The following RNGTT variants were observed in gnomAD, a reference collection of about 807,000 sequenced individuals.
RNGTT encodes RNA guanylyltransferase and 5'-phosphatase.
In RNGTT, 33 loss-of-function variants were observed where a neutral mutation model predicts 79.3. The ratio of observed to expected loss-of-function variants is 0.42; its 90% CI spans 0.32 to 0.56. RNGTT has a LOEUF of 0.56. RNGTT is among the 20% of genes least tolerant of loss of function. The pLI, the probability that RNGTT is intolerant of heterozygous loss-of-function variation, is 0.17. For missense variants in RNGTT, 497 were observed against 739.1 expected (o/e 0.67, Z 3.80); for synonymous variants, 222 against 235.9 (o/e 0.94, Z 0.54).
chr6:88,884,951 G>C (rs1782808686), intron 8 of RNGTT, among the ~76,000 whole-genome samples: 1 of 152,006 alleles, frequency 6.6e-6, no homozygotes, highest in Admixed American at 6.6e-5. Context: ...CCCTATCAGA[G>C]AGAGGAGTTA....
chr6:88,792,532 T>C (rs1454289838), intron 12 of RNGTT, among the ~76,000 whole-genome samples: 1 of 152,266 alleles, frequency 6.6e-6, no homozygotes, highest in Admixed American at 6.5e-5. Context: ...TCTTAAACTC[T>C]GCTTTCTTTA....
At chr6:88,671,697 G>A (rs1774645544) in intron 14 of RNGTT, among the ~76,000 whole-genome samples, 1 of 152,092 alleles carries the variant, frequency 6.6e-6, no homozygotes, top group African/African-American at 2.4e-5. Context: ...TTACCCAACG[G>A]CAAACTATAC....
chr6:88,810,872 C>T (rs1780115965), intron 11 of RNGTT, among the ~76,000 whole-genome samples: 1 of 152,130 alleles, frequency 6.6e-6, no homozygotes, highest in Non-Finnish European at 1.5e-5. Flanking sequence ...TTCCTGACTG[C>T]CTTCCAATGC....
intron 4 of RNGTT, among the ~76,000 whole-genome samples, chr6:88,908,820 C>G (rs1171143154): frequency 6.6e-6 from 1 of 152,194 alleles, no homozygotes; most frequent in Admixed American, 6.5e-5. Flanking sequence ...GATCCACATG[C>G]CCCTTTGCCT....
intron 11 of RNGTT, among the ~76,000 whole-genome samples, chr6:88,831,620 A>G (rs547001008): frequency 1.3e-5 from 2 of 152,344 alleles, no homozygotes; most frequent in South Asian, 2.1e-4. Flanking sequence ...AATAAAGTGT[A>G]TTCAAATAAG....
chr6:88,694,510 G>C (rs776230365), intron 13 of RNGTT, among the ~76,000 whole-genome samples: 95 of 119,520 alleles, frequency 7.9e-4, no homozygotes, highest in Non-Finnish European at 1.5e-3. Context: ...TTGTTAAAAA[G>C]TCCATACTAC....
chr6:88,739,729 A>T (rs865897896), intron 13 of RNGTT, among the ~76,000 whole-genome samples: 411 of 10,832 alleles, frequency 0.038, 7 homozygotes, highest in African/African-American at 0.14. Context: ...AAAAAATTAT[A>T]TATATATATA....
intron 1 of RNGTT, 92 bp downstream of exon 1, chr6:88,963,254 G>A (rs1785705366): frequency 7.7e-7 from 1 of 1,295,436 alleles, no homozygotes; most frequent in African/African-American, 1.5e-5. Context: ...ACCACTAATG[G>A]GCACAGAACC....
chr6:88,765,283 G>T (rs1778422464), intron 13 of RNGTT, among the ~76,000 whole-genome samples: 1 of 151,672 alleles, frequency 6.6e-6, no homozygotes, highest in Non-Finnish European at 1.5e-5. Context: ...TCACAGCAAA[G>T]TGAGGCTTCT....
At chr6:88,901,998 A>C (rs1393033465) in intron 6 of RNGTT, among the ~76,000 whole-genome samples, 1 of 152,160 alleles carries the variant, frequency 6.6e-6, no homozygotes, top group African/African-American at 2.4e-5. Flanking sequence ...AAGGGTAAAT[A>C]TGTGGGTATA....
chr6:88,805,342 A>G (rs1018958869), intron 11 of RNGTT, among the ~76,000 whole-genome samples: 1 of 152,168 alleles, frequency 6.6e-6, no homozygotes, highest in Non-Finnish European at 1.5e-5. Flanking sequence ...CCAAAACACA[A>G]GAGATACAAA....
intron 6 of RNGTT, among the ~76,000 whole-genome samples, chr6:88,899,888 C>T (rs1345423493): frequency 2.0e-5 from 3 of 152,042 alleles, no homozygotes; most frequent in African/African-American, 7.2e-5. Context: ...ATTTAATTCC[C>T]CACACTTTCA....
At chr6:88,694,286 A>G (rs955631440) in intron 13 of RNGTT, among the ~76,000 whole-genome samples, 2 of 152,210 alleles carry the variant, frequency 1.3e-5, no homozygotes, top group Non-Finnish European at 2.9e-5. Context: ...TCAACACACA[A>G]AAATCAGTAG....
At chr6:88,799,421 C>T (rs150036000) in intron 12 of RNGTT, among the ~76,000 whole-genome samples, 10 of 152,062 alleles carry the variant, frequency 6.6e-5, no homozygotes, top group South Asian at 2.1e-4. Flanking sequence ...GGTTACGGCC[C>T]GGCGCGGTGG....
intron 9 of RNGTT, among the ~76,000 whole-genome samples, chr6:88,852,731 T>C (rs1007831588): frequency 2.6e-5 from 4 of 152,144 alleles, no homozygotes; most frequent in Non-Finnish European, 5.9e-5. Context: ...CTAATTACAA[T>C]CACTTGGTCA....
intron 1 of RNGTT, among the ~76,000 whole-genome samples, chr6:88,944,899 G>C (rs1784956429): frequency 6.6e-6 from 1 of 152,204 alleles, no homozygotes; most frequent in African/African-American, 2.4e-5. Flanking sequence ...TTGGGGGAAA[G>C]GGGGGCAACT....
At chr6:88,677,181 G>A (rs904736936) in intron 14 of RNGTT, among the ~76,000 whole-genome samples, 2 of 149,686 alleles carry the variant, frequency 1.3e-5, no homozygotes, top group African/African-American at 4.9e-5. Flanking sequence ...GCAAAAAACA[G>A]AACAAGTGAA....
chr6:88,930,725 C>CATATA (rs1784491860), intron 2 of RNGTT, among the ~76,000 whole-genome samples: 1 of 152,000 alleles, frequency 6.6e-6, no homozygotes, highest in Admixed American at 6.6e-5. Context: ...AATACATTTC[C>CATATA]GGTAAGAAAG....
At chr6:88,933,551 G>C (rs541765144) in intron 2 of RNGTT, among the ~76,000 whole-genome samples, 2 of 151,946 alleles carry the variant, frequency 1.3e-5, no homozygotes, top group South Asian at 4.1e-4. Context: ...CACAATCATA[G>C]CTCACTGTAA....
Sources: gnomAD v4.1 joint callset for allele counts (sites outside exome capture counted in the v4.1 genomes callset) on GRCh38, gnomAD v4.1.1 for gene constraint, MANE v1.5 for transcripts, NCBI Gene and HGNC (gene_info 2026-07-23, HGNC 2026-07-21) for gene names.